Variants in PLD5 observed in about 807,000 individuals in gnomAD.
The protein encoded by PLD5 is inactive phospholipase D5.
Under a neutral mutation model 61.1 loss-of-function variants are expected in PLD5, and 36 were observed. The ratio of observed to expected loss-of-function variants is 0.59; its 90% confidence interval spans 0.45 to 0.78. The LOEUF is 0.78. PLD5 is among the 30% of genes least tolerant of loss of function. PLD5 has a pLI of 0.00. For synonymous variants in PLD5, 243 were observed against 242.8 expected, an observed-to-expected ratio of 1.00 and a Z score of -0.01; for missense variants, 515 against 644.4, an observed-to-expected ratio of 0.80 and a Z score of 2.17.
intron 4 of PLD5, among the ~76,000 whole-genome samples, chr1:242,261,196 C>T (rs1312649878): frequency 6.6e-6 from 1 of 152,126 alleles, no homozygotes; most frequent in Non-Finnish European, 1.5e-5. Context: ...TGAGAAAATA[C>T]GGTAAAGAAT....
At chr1:242,388,908 T>C (rs1368420774) in intron 1 of PLD5, among the ~76,000 whole-genome samples, 1 of 152,088 alleles carries the variant, frequency 6.6e-6, no homozygotes, top group Non-Finnish European at 1.5e-5. Context: ...TGAGCTGAGA[T>C]TGCACCATTG....
rs1669380736 is a variant in PLD5 at position 242,524,413 on chromosome 1, C to CTGGAG, written c.-138_-137insCTCCA. ...GACTGAGCTGGAGGAGCTGGAGGAG[C>CTGGAG]GAGCGGGCGCGGGGAGCGCGGGGTG... is the stretch of plus-strand genomic sequence containing the variant. On this transcript the variant is annotated 5_prime_UTR_variant, in exon 1 of 10. Transcript: ENST00000536534. 2 of 870,524 alleles carry CTGGAG rather than the reference C, an allele frequency of 2.3e-6. No individual in the cohort carries two copies. Among genetic ancestry groups the CTGGAG allele is most frequent in the East Asian group, 3.4e-5 (1 of 29,078 alleles). The allele number at this position is 870,524 out of a possible 1,614,324, so 53.9% of individuals were successfully genotyped here. A position where few individuals can be genotyped will look rare whatever the true frequency, so the allele number is the denominator to read the frequency against.
chr1:242,322,184 G>A (rs192548967), intron 2 of PLD5, among the ~76,000 whole-genome samples: 96 of 152,256 alleles, frequency 6.3e-4, no homozygotes, highest in African/African-American at 2.2e-3. Flanking sequence ...CGTTGACTCC[G>A]CACCAGGCAC....
At chr1:242,370,825 AT>A (rs150226738) in intron 1 of PLD5, among the ~76,000 whole-genome samples, 385 of 152,280 alleles carry the variant, frequency 2.5e-3, no homozygotes, top group Admixed American at 4.2e-3. Flanking sequence ...CTGGTCTTTG[AT>A]AAGGTGAGGG....
intron 5 of PLD5, among the ~76,000 whole-genome samples, chr1:242,152,160 T>A (rs1047860430): frequency 6.6e-6 from 1 of 152,014 alleles, no homozygotes; most frequent in Non-Finnish European, 1.5e-5. Context: ...ATAATCCGTT[T>A]TCTTGCCGTT....
intron 4 of PLD5, among the ~76,000 whole-genome samples, chr1:242,257,099 T>G (rs1199750372): frequency 6.6e-6 from 1 of 150,500 alleles, no homozygotes; most frequent in Non-Finnish European, 1.5e-5. Flanking sequence ...ATCTATATCT[T>G]TCTATCTGTC....
At chr1:242,249,179 G>A (rs1472326802) in intron 4 of PLD5, among the ~76,000 whole-genome samples, 1 of 152,054 alleles carries the variant, frequency 6.6e-6, no homozygotes, top group African/African-American at 2.4e-5. Context: ...CTGTTGGTGG[G>A]GCCTTTAAGA....
At chr1:242,197,795 C>T (rs552683065) in intron 5 of PLD5, among the ~76,000 whole-genome samples, 6 of 152,136 alleles carry the variant, frequency 3.9e-5, no homozygotes, top group East Asian at 1.9e-4. Flanking sequence ...CCATTATGCC[C>T]GGCTAATTTT....
At chr1:242,264,960 C>T (rs537217930) in intron 4 of PLD5, among the ~76,000 whole-genome samples, 2 of 151,948 alleles carry the variant, frequency 1.3e-5, no homozygotes, top group Non-Finnish European at 2.9e-5. Context: ...AAATATATAG[C>T]GTGAAAAGGA....
chr1:242,116,700 T>C lies in PLD5; in HGVS notation c.934-2674A>G, dbSNP rs200512645. Among the ~76,000 whole-genome samples, 11 of 152,332 alleles carry C rather than the reference T, an allele frequency of 7.2e-5. No individual in the cohort carries two copies. In the East Asian group the frequency reaches 1.5e-3, roughly 21 times the overall value. On this transcript the variant is annotated intron_variant, in intron 6 of 9. Transcript: ENST00000536534. The stretch of plus-strand genomic sequence containing the variant: ...TGTTCCTGCAGTGATTTCCTTAGAA[T>C]AATGGCCCCTAGCTGCACCCACATT...
chr1:242,297,415 T>A (rs1251944423), intron 2 of PLD5, among the ~76,000 whole-genome samples: 1 of 150,122 alleles, frequency 6.7e-6, no homozygotes, highest in Non-Finnish European at 1.5e-5. Context: ...TTTTTTTTTT[T>A]TTTTTTTTTA....
At chr1:242,309,960 G>A (rs1676601709) in intron 2 of PLD5, among the ~76,000 whole-genome samples, 1 of 150,984 alleles carries the variant, frequency 6.6e-6, no homozygotes, top group South Asian at 2.1e-4. Flanking sequence ...ACCATTTAAA[G>A]TTTAAATCAG....
chr1:242,129,024 A>C (rs1029874925), intron 5 of PLD5, among the ~76,000 whole-genome samples: 3 of 152,184 alleles, frequency 2.0e-5, no homozygotes, highest in African/African-American at 4.8e-5. Context: ...GCAGGATCAG[A>C]TGGAGGGAAG....
rs113170237 is a variant in PLD5, at chr1:242,300,793, G to A, written c.327-12263C>T. 6.7e-3 allele frequency among the ~76,000 whole-genome samples: 1,023 copies of A among 152,226 alleles called. 12 individuals are homozygous for A. Among genetic ancestry groups the A allele is most frequent in the African/African-American group, 0.023 (965 of 41,520 alleles). On this transcript the variant is annotated intron_variant, in intron 2 of 9. Transcript: ENST00000536534. ...GGGAGAACAATTAGAAGACCGCTGC[G>A]ATAGCATGGAGCCTCGGCGAAGGGC...
At chr1:242,336,474 G>T (rs1659516596) in intron 2 of PLD5, among the ~76,000 whole-genome samples, 1 of 152,130 alleles carries the variant, frequency 6.6e-6, no homozygotes, top group South Asian at 2.1e-4. Flanking sequence ...TGAGTGCCAT[G>T]CAGCCATGGA....
In PLD5 at chr1:242,086,496, C is replaced by T. The variant is rs946791971; in HGVS notation, c.*3358G>A. 6.6e-6 allele frequency: 1 copy of T among 152,044 alleles called. No individual in the cohort carries two copies. The highest frequency in any genetic ancestry group is 2.4e-5 in the African/African-American group (1 of 41,380). 9.4% of individuals were successfully genotyped at this position (152,044 alleles called of 1,614,324 possible). On this transcript the variant is annotated 3_prime_UTR_variant, in exon 10 of 10. Transcript: ENST00000536534. ...TCCAATGGTTGGACAAGCAGAGATT[C>T]AATTATTTGATAGGCTAGTGGCCAG...
intron 5 of PLD5, among the ~76,000 whole-genome samples, chr1:242,218,819 C>T (rs1313398239): frequency 1.3e-5 from 2 of 152,164 alleles, no homozygotes; most frequent in African/African-American, 4.8e-5. Context: ...TTACCTATGT[C>T]TCAGCTTCTT....
At chr1:242,270,698 T>C (rs915226530) in intron 3 of PLD5, among the ~76,000 whole-genome samples, 1 of 152,128 alleles carries the variant, frequency 6.6e-6, no homozygotes, top group Non-Finnish European at 1.5e-5. Context: ...TAGCCCTATA[T>C]GAGTGTTCCA....
At chr1:242,475,670 CCT>C (rs373826109) in intron 1 of PLD5, among the ~76,000 whole-genome samples, 412 of 152,258 alleles carry the variant, frequency 2.7e-3, no homozygotes, top group African/African-American at 9.3e-3. Flanking sequence ...CCACCAAACC[CCT>C]GTGTTGACAT....
Sources: allele counts gnomAD v4.1 joint callset (sites outside exome capture counted in the v4.1 genomes callset), GRCh38; gene constraint gnomAD v4.1.1; transcripts MANE v1.5; gene names NCBI Gene and HGNC (gene_info 2026-07-23, HGNC 2026-07-21).